RASGRF1: variants seen among roughly 807,000 people sequenced by gnomAD.
RASGRF1 encodes ras-specific guanine nucleotide-releasing factor 1.
A neutral mutation model predicts 138.7 loss-of-function variants in RASGRF1; 40 were observed. That is an observed-to-expected ratio of 0.29 (90% CI 0.22 to 0.38). RASGRF1 has a LOEUF of 0.38. Ranked by LOEUF, RASGRF1 falls within the 10% of genes least tolerant of loss-of-function variation. RASGRF1 has a pLI of 1.00. For missense variants in RASGRF1, 1,108 were observed against 1,650.4 expected (o/e 0.67, Z 5.69); for synonymous variants, 614 against 663.2 (o/e 0.93, Z 1.14).
intron 13 of RASGRF1, among the ~76,000 whole-genome samples, chr15:79,010,037 T>G (rs1363268796): frequency 6.6e-6 from 1 of 150,920 alleles, no homozygotes; most frequent in African/African-American, 2.4e-5. Context: ...TGTTTGTTTT[T>G]TTTTTTTTTT....
intron 22 of RASGRF1, 143 bp from the exon 23 acceptor site, chr15:78,985,347 T>C (rs2056129800): frequency 1.1e-6 from 1 of 886,846 alleles, no homozygotes; most frequent in Non-Finnish European, 1.7e-6. Flanking sequence ...CAGAGCTTGC[T>C]AGGGTTGCTG....
chr15:79,001,203 G>C (rs11631751), intron 16 of RASGRF1, among the ~76,000 whole-genome samples: 25,629 of 151,916 alleles, frequency 0.17, 2,284 homozygotes, highest in African/African-American at 0.21. Flanking sequence ...TGATGAAAGG[G>C]GTCTGTGCAG....
chr15:79,003,830 G>A lies in RASGRF1; in HGVS notation c.2421C>T (p.Pro807=), dbSNP rs1562008. The stretch of plus-strand genomic sequence containing the variant: ...GCTTGCTGAGCGCTGAAGGGTCTTC[G>A]GGCTTCTCAGGGGTCGTATCGCCCT... ...PDEGDTTPEK[P]EDPSALSKQS... is the part of the protein sequence containing the mutation. Residue 807 remains proline, a synonymous_variant, in exon 15 of 27, where the codon CCC becomes CCT. Coordinates refer to ENST00000558480, the MANE Select transcript of RASGRF1 (RefSeq NM_001145648.3). The A allele has an allele frequency of 0.21, 345,255 of 1,608,644 alleles. 39,527 individuals are homozygous for A. Among genetic ancestry groups the A allele is most frequent in the Non-Finnish European group, 0.24 (279,685 of 1,177,352 alleles).
chr15:79,083,411 A>G (rs1227735651), intron 1 of RASGRF1, among the ~76,000 whole-genome samples: 1 of 152,214 alleles, frequency 6.6e-6, no homozygotes, highest in East Asian at 1.9e-4. Flanking sequence ...GCACACGGGC[A>G]CCGGCTCCAT....
intron 19 of RASGRF1, among the ~76,000 whole-genome samples, chr15:78,996,866 G>A (rs1484311595): frequency 6.6e-6 from 1 of 152,258 alleles, no homozygotes; most frequent in East Asian, 1.9e-4. Flanking sequence ...TCCACGGCCT[G>A]GCTGGGGAGG....
rs182670113 is a variant in RASGRF1 at position 79,027,240 on chromosome 15, C to T, written c.1381+501G>A. Among the ~76,000 whole-genome samples the T allele has an allele frequency of 5.2e-4, 79 of 152,216 alleles. 1 individual carries two copies. The highest frequency in any genetic ancestry group is 1.9e-4 in the East Asian group (1 of 5,184). On this transcript the variant is annotated intron_variant, in intron 9 of 26. Coordinates refer to ENST00000558480, the MANE Select transcript of RASGRF1 (RefSeq NM_001145648.3). The surrounding 1 kb of genome is among the most constrained non-coding windows in gnomAD (Gnocchi z 4.8). The stretch of plus-strand genomic sequence containing the variant: ...TCTCAAACACTGCTCCCAAGGTAAG[C>T]GAGGCTGAAGCTTGGGAAAGACCTT...
At chr15:78,993,531 TG>T (rs1418116242) in intron 20 of RASGRF1, among the ~76,000 whole-genome samples, 2 of 151,370 alleles carry the variant, frequency 1.3e-5, no homozygotes, top group South Asian at 4.2e-4. Context: ...GAAAGGAGAG[TG>T]GCAGGGCCAC....
At chr15:79,035,306 A>C in intron 5 of RASGRF1, 96 bp from the exon 6 acceptor site, 1 of 962,758 alleles carries the variant, frequency 1.0e-6, no homozygotes, top group African/African-American at 1.6e-5. Context: ...TCAGCAGCGA[A>C]CCCTTTTCTC....
intron 24 of RASGRF1, among the ~76,000 whole-genome samples, chr15:78,977,615 T>A (rs2055900351): frequency 6.6e-6 from 1 of 152,096 alleles, no homozygotes; most frequent in Non-Finnish European, 1.5e-5. Flanking sequence ...TCACCCTGAT[T>A]AAAGGGTATA....
intron 8 of RASGRF1, among the ~76,000 whole-genome samples, chr15:79,030,141 A>T (rs2057116395): frequency 6.6e-6 from 1 of 152,164 alleles, no homozygotes; most frequent in African/African-American, 2.4e-5. Flanking sequence ...TCATGGAAGG[A>T]TCGGGGGCAG....
At chr15:79,057,997 C>A (rs1433435951) in intron 3 of RASGRF1, among the ~76,000 whole-genome samples, 1 of 152,238 alleles carries the variant, frequency 6.6e-6, no homozygotes, top group African/African-American at 2.4e-5. Context: ...GACACAGTAA[C>A]TAGGAGCTTG....
chr15:79,031,538 G>T, intron 7 of RASGRF1, 29 bp from the exon 8 acceptor site: 1 of 1,531,976 alleles, frequency 6.5e-7, no homozygotes, highest in Non-Finnish European at 9.0e-7. Flanking sequence ...GGTGAGGGTG[G>T]AGAAAGAGCC....
chr15:79,014,062 A>G (rs1380820635), intron 13 of RASGRF1, among the ~76,000 whole-genome samples: 2 of 152,230 alleles, frequency 1.3e-5, no homozygotes, highest in East Asian at 1.9e-4. Flanking sequence ...CCAAAGCACC[A>G]TAATAAAAAA....
rs780893396 is a variant in RASGRF1 at position 78,995,851 on chromosome 15, C to T, written c.2967-51G>A. 8.2e-6 allele frequency: 13 copies of T among 1,590,172 alleles called. No individual in the cohort carries two copies. The African/African-American group carries it at 1.2e-4, about 15-fold the overall frequency. The stretch of plus-strand genomic sequence containing the variant: ...GAGCCCCACTTCACGTTGCAGCAGC[C>T]CCTCCCCAGCTCGGACAGCCCCACA... On this transcript the variant is annotated intron_variant, in intron 19 of 26. Coordinates refer to ENST00000558480, the MANE Select transcript of RASGRF1 (RefSeq NM_001145648.3).
intron 8 of RASGRF1, among the ~76,000 whole-genome samples, chr15:79,029,963 G>A (rs910030485): frequency 1.3e-5 from 2 of 152,258 alleles, no homozygotes; most frequent in East Asian, 1.9e-4. Flanking sequence ...CTGCCTTACC[G>A]GAGTCCCAAA....
chr15:79,014,240 A>C (rs2056843512), intron 13 of RASGRF1, among the ~76,000 whole-genome samples: 1 of 152,222 alleles, frequency 6.6e-6, no homozygotes, highest in Non-Finnish European at 1.5e-5. Flanking sequence ...CAACCCCACT[A>C]CTGGGTATCT....
chr15:78,962,038 G>T lies in RASGRF1; in HGVS notation c.*106C>A. On this transcript the variant is annotated 3_prime_UTR_variant, in exon 27 of 27. Transcript: ENST00000558480. ...AAGAACAAGGACGATTTGTATTCTT[G>T]GAGAAGCACATACTGAAGAAGAAAA... 1 of 700,536 alleles carries T rather than the reference G, an allele frequency of 1.4e-6. No individual in the cohort carries two copies. The highest frequency in any genetic ancestry group is 2.5e-6 in the Non-Finnish European group (1 of 403,566). The allele number at this position is 700,536 out of a possible 1,614,324, so 43.4% of individuals were successfully genotyped here.
In RASGRF1 at chr15:79,003,870, T is replaced by C. The variant is rs766895945; in HGVS notation, c.2381A>G (p.Asn794Ser). 6 of 1,613,800 alleles carry C rather than the reference T, an allele frequency of 3.7e-6. No homozygotes were observed. In the African/African-American group the frequency reaches 4.0e-5, roughly 11 times the overall value. The stretch of plus-strand genomic sequence containing the variant: ...CGTATCGCCCTCATCTGGAATCTTG[T>C]TGGTGAAGCTGCTGGACACATAGAG... Reference protein sequence around the residue: ...SKLYVSSSFTNKIPDEGDTTP... With the variant: ...SKLYVSSSFTSKIPDEGDTTP... The change falls in exon 15 of 27, where the codon AAC becomes AGC. Residue 794 changes from asparagine (N) to serine (S), a missense_variant. Asn to Ser is a conservative substitution (Grantham distance 46). Around this residue, in one of 3 missense-constraint regions of RASGRF1, gnomAD observed 686 missense variants for 976.7 expected, o/e 0.70. Transcript: ENST00000558480.
At chr15:78,980,970 G>A (rs1377262118) in intron 23 of RASGRF1, 1 of 320,942 alleles carries the variant, frequency 3.1e-6, no homozygotes, top group African/African-American at 2.1e-5. Flanking sequence ...CCTTGGAAAT[G>A]CTGCAGGATC....
Sources: allele counts gnomAD v4.1 joint callset (sites outside exome capture counted in the v4.1 genomes callset), GRCh38; gene constraint gnomAD v4.1.1; regional missense constraint gnomAD v4.1.1; non-coding constraint Gnocchi (gnomAD v3.1); transcripts MANE v1.5; gene names NCBI Gene and HGNC (gene_info 2026-07-23, HGNC 2026-07-21).